The following RSRC1 variants were observed in gnomAD, a reference collection of about 807,000 sequenced individuals.
RSRC1 encodes arginine and serine rich coiled-coil 1.
RSRC1 carries 39 observed loss-of-function variants against 49.1 expected under a neutral mutation model. The ratio of observed to expected loss-of-function variants is 0.79; its 90% CI spans 0.61 to 1.04. The LOEUF (loss-of-function observed/expected upper bound fraction) is 1.04. Among genes scored for constraint, RSRC1 ranks in the 50% least tolerant of loss-of-function variants. The pLI, the probability that RSRC1 is intolerant of heterozygous loss-of-function variation, is 0.00. For synonymous variants in RSRC1, 143 were observed against 130.8 expected, an observed-to-expected ratio of 1.09 and a Z score of -0.63; for missense variants, 388 against 402.4, an observed-to-expected ratio of 0.96 and a Z score of 0.31.
chr3:158,130,095 C>A (rs1412101944), intron 3 of RSRC1, among the ~76,000 whole-genome samples: 1 of 152,188 alleles, frequency 6.6e-6, no homozygotes, highest in African/African-American at 2.4e-5. Context: ...TGGTCTAGTT[C>A]TGGTGAGGGC....
At chr3:158,145,811 G>T (rs1476449745) in intron 3 of RSRC1, among the ~76,000 whole-genome samples, 1 of 152,128 alleles carries the variant, frequency 6.6e-6, no homozygotes, top group African/African-American at 2.4e-5. Flanking sequence ...ATTTCGTTGA[G>T]CAGTGATTTG....
intron 3 of RSRC1, among the ~76,000 whole-genome samples, chr3:158,127,530 A>G (rs1715705460): frequency 6.6e-6 from 1 of 150,486 alleles, no homozygotes; most frequent in Admixed American, 6.6e-5. Flanking sequence ...CTTTTTTTTT[A>G]TGTAATTTCT....
chr3:158,130,700 A>G (rs1019086259), intron 3 of RSRC1, among the ~76,000 whole-genome samples: 2 of 152,196 alleles, frequency 1.3e-5, no homozygotes, highest in African/African-American at 4.8e-5. Context: ...GGGATTTTCC[A>G]CTTGTGGCAT....
intron 3 of RSRC1, among the ~76,000 whole-genome samples, chr3:158,198,135 TGTAAGTCTCTGA>T (rs968590754): frequency 6.6e-6 from 1 of 152,108 alleles, no homozygotes; most frequent in African/African-American, 2.4e-5. Context: ...TAAGTCTCTT[TGTAAGTCTCTGA>T]GGACTTGCTT....
chr3:158,339,643 T>A (rs1353948905), intron 5 of RSRC1, among the ~76,000 whole-genome samples: 8 of 152,184 alleles, frequency 5.3e-5, no homozygotes, highest in Non-Finnish European at 1.2e-4. Context: ...AAATTATGTA[T>A]GACACTAAGG....
chr3:158,403,275 C>G (rs924843120), intron 6 of RSRC1, among the ~76,000 whole-genome samples: 6 of 151,756 alleles, frequency 4.0e-5, no homozygotes, highest in African/African-American at 1.4e-4. Flanking sequence ...AAACTATAAA[C>G]TGATTAAATT....
chr3:158,189,461 G>T (rs1450043429), intron 3 of RSRC1, among the ~76,000 whole-genome samples: 1 of 151,714 alleles, frequency 6.6e-6, no homozygotes, highest in African/African-American at 2.4e-5. Flanking sequence ...ATAAATTCAG[G>T]ATTGTTAGAT....
At chr3:158,249,934 C>A (rs1048636148) in intron 4 of RSRC1, among the ~76,000 whole-genome samples, 1 of 152,072 alleles carries the variant, frequency 6.6e-6, no homozygotes, top group Non-Finnish European at 1.5e-5. Context: ...TATTTCTGTA[C>A]CCACTAACCA....
At chr3:158,386,492 C>T (rs747679807) in intron 6 of RSRC1, among the ~76,000 whole-genome samples, 2 of 151,914 alleles carry the variant, frequency 1.3e-5, no homozygotes, top group African/African-American at 4.8e-5. Flanking sequence ...CTTTAATAGA[C>T]GAATATAGCT....
intron 3 of RSRC1, among the ~76,000 whole-genome samples, chr3:158,163,203 A>G (rs978978305): frequency 1.3e-5 from 2 of 152,114 alleles, no homozygotes; most frequent in African/African-American, 2.4e-5. Flanking sequence ...GGGTTTCACC[A>G]TGTTGGCCAG....
chr3:158,276,659 T>A (rs1725836317), intron 4 of RSRC1, among the ~76,000 whole-genome samples: 1 of 152,202 alleles, frequency 6.6e-6, no homozygotes, highest in Non-Finnish European at 1.5e-5. Context: ...GACCAGTATT[T>A]TTATTACCTA....
intron 7 of RSRC1, among the ~76,000 whole-genome samples, chr3:158,495,090 A>G (rs974012040): frequency 6.6e-6 from 1 of 152,122 alleles, no homozygotes; most frequent in Non-Finnish European, 1.5e-5. Context: ...TTGTGCCACA[A>G]TGTTAGGGTA....
intron 4 of RSRC1, among the ~76,000 whole-genome samples, chr3:158,255,146 G>A (rs1020426866): frequency 1.3e-5 from 2 of 152,118 alleles, no homozygotes; most frequent in Non-Finnish European, 2.9e-5. Flanking sequence ...GCCCATGCCT[G>A]TGTCCTTAAT....
intron 4 of RSRC1, among the ~76,000 whole-genome samples, chr3:158,215,274 A>G (rs557170531): frequency 1.3e-5 from 2 of 148,158 alleles, no homozygotes; most frequent in South Asian, 4.3e-4. Flanking sequence ...ATTATATTTG[A>G]GATGAGTTTC....
At chr3:158,217,765 TG>T (rs3052855) in intron 4 of RSRC1, among the ~76,000 whole-genome samples, 2 of 141,446 alleles carry the variant, frequency 1.4e-5, no homozygotes, top group African/African-American at 2.7e-5. Flanking sequence ...TGTGTGTGTG[TG>T]GGGGGGGAAT....
At chr3:158,294,124 T>TA (rs957544316) in intron 4 of RSRC1, among the ~76,000 whole-genome samples, 2 of 152,138 alleles carry the variant, frequency 1.3e-5, no homozygotes, top group Non-Finnish European at 2.9e-5. Flanking sequence ...CCATTTTTTT[T>TA]AACCCTCCTT....
At chr3:158,506,253 A>G (rs1248550691) in intron 7 of RSRC1, among the ~76,000 whole-genome samples, 2 of 152,136 alleles carry the variant, frequency 1.3e-5, no homozygotes, top group East Asian at 1.9e-4. Context: ...CTTTAACTCA[A>G]TAGCACATAA....
At chr3:158,243,751 C>T (rs1723726670) in intron 4 of RSRC1, among the ~76,000 whole-genome samples, 1 of 152,120 alleles carries the variant, frequency 6.6e-6, no homozygotes, top group East Asian at 1.9e-4. Context: ...TCAAGAGGTA[C>T]TTCACCTCCC....
intron 1 of RSRC1, among the ~76,000 whole-genome samples, chr3:158,120,305 G>A (rs897920509): frequency 2.6e-5 from 4 of 151,936 alleles, no homozygotes; most frequent in African/African-American, 9.7e-5. Flanking sequence ...CAACTTGGAC[G>A]TTCAGAGCTA....
Sources: gnomAD v4.1 joint callset for allele counts (sites outside exome capture counted in the v4.1 genomes callset) on GRCh38, gnomAD v4.1.1 for gene constraint, MANE v1.5 for transcripts, NCBI Gene and HGNC (gene_info 2026-07-23, HGNC 2026-07-21) for gene names.